Variants in CDC42SE2 observed in about 807,000 individuals in gnomAD.
CDC42SE2 encodes the protein CDC42 small effector protein 2.
In CDC42SE2, 3 loss-of-function variants were observed where a neutral mutation model predicts 11.5. The ratio of observed to expected loss-of-function variants is 0.26; its 90% confidence interval spans 0.12 to 0.67. The LOEUF (loss-of-function observed/expected upper bound fraction) is 0.67. CDC42SE2 is among the 30% of genes least tolerant of loss of function. CDC42SE2 has a pLI of 0.80. For synonymous variants in CDC42SE2, 33 were observed against 34.8 expected, an observed-to-expected ratio of 0.95 and a Z score of 0.18; for missense variants, 82 against 106.8, an observed-to-expected ratio of 0.77 and a Z score of 1.02.
chr5:131,274,674 G>C (rs1757065961), intron 1 of CDC42SE2, among the ~76,000 whole-genome samples: 1 of 152,106 alleles, frequency 6.6e-6, no homozygotes, highest in Non-Finnish European at 1.5e-5. Context: ...AAGAAGTCTT[G>C]ACCCTTCATC....
chr5:131,351,607 C>T (rs184921075), intron 2 of CDC42SE2, among the ~76,000 whole-genome samples: 2 of 152,278 alleles, frequency 1.3e-5, no homozygotes, highest in African/African-American at 4.8e-5. Flanking sequence ...AAAAGGATAT[C>T]TTCAGCAAAT....
chr5:131,325,260 A>G (rs1482306570), intron 2 of CDC42SE2, among the ~76,000 whole-genome samples: 1 of 151,372 alleles, frequency 6.6e-6, no homozygotes, highest in African/African-American at 2.4e-5. Flanking sequence ...TAAAAGCACT[A>G]CCAATCTACA....
intron 1 of CDC42SE2, among the ~76,000 whole-genome samples, chr5:131,291,619 A>T (rs1317618097): frequency 1.3e-5 from 2 of 152,146 alleles, no homozygotes; most frequent in Non-Finnish European, 2.9e-5. Context: ...TATAGCCATA[A>T]CTTTTTTAAA....
intron 2 of CDC42SE2, among the ~76,000 whole-genome samples, chr5:131,322,157 A>AT (rs1322504810): frequency 1.3e-5 from 2 of 151,920 alleles, no homozygotes; most frequent in Non-Finnish European, 2.9e-5. Context: ...GCAGAAAAAA[A>AT]TTTTTTTTAT....
Position 131,393,651 on chromosome 5 carries a change from A to AT in CDC42SE2, c.*2564dup. 6.6e-6 allele frequency: 1 copy of AT among 152,268 alleles called. No individual in the cohort carries two copies. The highest frequency in any genetic ancestry group is 3.4e-3 in the Middle Eastern group (1 of 294). 9.4% of individuals were successfully genotyped at this position (152,268 alleles called of 1,614,324 possible). A position where few individuals can be genotyped will look rare whatever the true frequency, so the allele number is the denominator to read the frequency against. On this transcript the variant is annotated 3_prime_UTR_variant, in exon 5 of 5. Transcript: ENST00000505065. ...GCAAGCTCTTTAGAAGAGAGATTGGATTTTCTTGGCATTATCAGCACTCAT... is the reference window on the plus strand; with the variant it reads ...GCAAGCTCTTTAGAAGAGAGATTGGATTTTTCTTGGCATTATCAGCACTCAT...
At chr5:131,229,562 T>C in the CDC42SE2 span, among the ~76,000 whole-genome samples, 1 of 152,140 alleles carries the variant, frequency 6.6e-6, no homozygotes, top group Non-Finnish European at 1.5e-5. Context: ...GCTAATTTAC[T>C]CAGTAATTGT....
intron 1 of CDC42SE2, among the ~76,000 whole-genome samples, chr5:131,252,201 A>G (rs921103195): frequency 2.0e-5 from 3 of 152,240 alleles, no homozygotes; most frequent in Non-Finnish European, 2.9e-5. Flanking sequence ...TAATTAAAGT[A>G]AAGCAAGACT....
chr5:131,283,448 G>T (rs1168791789), intron 1 of CDC42SE2, among the ~76,000 whole-genome samples: 1 of 151,720 alleles, frequency 6.6e-6, no homozygotes, highest in Non-Finnish European at 1.5e-5. Context: ...TTTTCATTTA[G>T]CATAATGTTT....
chr5:131,348,603 T>G (rs191269983), intron 2 of CDC42SE2, among the ~76,000 whole-genome samples: 2 of 152,184 alleles, frequency 1.3e-5, no homozygotes, highest in Admixed American at 6.5e-5. Context: ...TCCCCATCAA[T>G]CTACCAATGA....
chr5:131,294,996 A>G (rs976172076), intron 1 of CDC42SE2, among the ~76,000 whole-genome samples: 5 of 152,082 alleles, frequency 3.3e-5, no homozygotes, highest in African/African-American at 1.2e-4. Context: ...GCGTGATGGC[A>G]TGCACCTGTA....
rs1413604165 is a variant in CDC42SE2, at chr5:131,392,547, TAAAAG to T, written c.*1462_*1466del. On this transcript the variant is annotated 3_prime_UTR_variant, in exon 5 of 5. Coordinates refer to ENST00000505065, the MANE Select transcript of CDC42SE2 (RefSeq NM_001375635.1). ...TTTGATTGATTGATTAGAATTGCAA[TAAAAG>T]AAAAGCTTGCATTCATAAGGCATTC... The T allele has an allele frequency of 2.0e-5, 3 of 152,292 alleles. No individual in the cohort carries two copies. Among genetic ancestry groups the T allele is most frequent in the Admixed American group, 1.3e-4 (2 of 15,278 alleles). The allele number at this position is 152,292 out of a possible 1,614,324, so 9.4% of individuals were successfully genotyped here.
At chr5:131,303,855 T>C (rs1757730405) in intron 1 of CDC42SE2, among the ~76,000 whole-genome samples, 1 of 152,166 alleles carries the variant, frequency 6.6e-6, no homozygotes, top group South Asian at 2.1e-4. Context: ...TCTTTAAAAA[T>C]GCATTCTTGT....
chr5:131,243,887 G>A (rs986248914), upstream of CDC42SE2, among the ~76,000 whole-genome samples: 1 of 152,192 alleles, frequency 6.6e-6, no homozygotes, highest in African/African-American at 2.4e-5. Flanking sequence ...GGGAGCCATA[G>A]TTAGATCCCA....
chr5:131,292,615 A>G (rs1757482539), intron 1 of CDC42SE2, among the ~76,000 whole-genome samples: 3 of 146,696 alleles, frequency 2.0e-5, no homozygotes. Context: ...GTACACAGTT[A>G]GGGCTGGGTG....
At chr5:131,308,122 T>A (rs1464669059) in intron 1 of CDC42SE2, among the ~76,000 whole-genome samples, 1 of 152,168 alleles carries the variant, frequency 6.6e-6, no homozygotes, top group African/African-American at 2.4e-5. Flanking sequence ...GATTTTTGTA[T>A]AAGGTGTAAG....
the CDC42SE2 span, among the ~76,000 whole-genome samples, chr5:131,235,785 G>A: frequency 1.3e-5 from 2 of 151,856 alleles, no homozygotes; most frequent in Non-Finnish European, 2.9e-5. Flanking sequence ...AGTAGAAATG[G>A]GGTTTCACTA....
chr5:131,290,660 A>C (rs1757439944), intron 1 of CDC42SE2, among the ~76,000 whole-genome samples: 1 of 150,926 alleles, frequency 6.6e-6, no homozygotes, highest in Non-Finnish European at 1.5e-5. Flanking sequence ...TTGTATTTTT[A>C]GTAGAGACGG....
chr5:131,282,146 T>C (rs1325957935), intron 1 of CDC42SE2, among the ~76,000 whole-genome samples: 1 of 152,178 alleles, frequency 6.6e-6, no homozygotes, highest in Non-Finnish European at 1.5e-5. Flanking sequence ...AAAGGAAAGT[T>C]TTAAGGTTAA....
intron 3 of CDC42SE2, among the ~76,000 whole-genome samples, chr5:131,363,629 G>A (rs1346960369): frequency 2.0e-5 from 3 of 150,122 alleles, no homozygotes; most frequent in Admixed American, 1.3e-4. Flanking sequence ...CACCCTCCTC[G>A]ACCTCCCAAA....
Sources: gnomAD v4.1 joint callset for allele counts (sites outside exome capture counted in the v4.1 genomes callset) on GRCh38, gnomAD v4.1.1 for gene constraint, MANE v1.5 for transcripts, NCBI Gene and HGNC (gene_info 2026-07-23, HGNC 2026-07-21) for gene names.